The following TBC1D19 variants were observed in gnomAD, a reference collection of about 807,000 sequenced individuals.
TBC1D19 encodes TBC1 domain family, member 19.
A neutral mutation model predicts 89.0 loss-of-function variants in TBC1D19; 60 were observed. The observed-to-expected ratio is 0.67, with a 90% CI of 0.55 to 0.84. TBC1D19 has a LOEUF of 0.84. TBC1D19 is among the 40% of genes least tolerant of loss of function. The pLI, the probability that TBC1D19 is intolerant of heterozygous loss-of-function variation, is 0.00. For missense variants in TBC1D19, 500 were observed against 610.8 expected (o/e 0.82, Z 1.91); for synonymous variants, 189 against 199.7 (o/e 0.95, Z 0.45).
chr4:26,640,398 G>T (rs1328409924), intron 7 of TBC1D19, among the ~76,000 whole-genome samples: 6 of 152,152 alleles, frequency 3.9e-5, no homozygotes, highest in African/African-American at 1.4e-4. Flanking sequence ...AATCAGTTAG[G>T]ATAATTTTGA....
chr4:26,772,270 C>A, the TBC1D19 span, among the ~76,000 whole-genome samples: 281 of 152,190 alleles, frequency 1.8e-3, 1 homozygote, highest in African/African-American at 6.5e-3. Context: ...TCGCAGGTCT[C>A]AAGGGAGGAA....
At chr4:26,803,831 C>T in the TBC1D19 span, among the ~76,000 whole-genome samples, 1 of 142,092 alleles carries the variant, frequency 7.0e-6, no homozygotes, top group Non-Finnish European at 1.5e-5. Flanking sequence ...AGGAAAATGT[C>T]TCTTTTGCAT....
chr4:26,667,959 T>A (rs1333681862), intron 9 of TBC1D19, among the ~76,000 whole-genome samples: 4 of 151,992 alleles, frequency 2.6e-5, no homozygotes, highest in Non-Finnish European at 5.9e-5. Context: ...GTTTTAATTT[T>A]CTTATATAAT....
Position 26,721,357 on chromosome 4 carries a change from A to G in TBC1D19, c.1084+1232A>G, listed in dbSNP as rs1007860962. Among the ~76,000 whole-genome samples the G allele has an allele frequency of 3.3e-5, 5 of 152,022 alleles. No individual in the cohort carries two copies. In the South Asian group the frequency reaches 1.0e-3, roughly 32 times the overall value. ...TGAATTGTCATCTTCCTAGTAACTCAAGGCCATCCTAGATTTCTCTCCACC... is the reference window on the plus strand; with the variant it reads ...TGAATTGTCATCTTCCTAGTAACTCGAGGCCATCCTAGATTTCTCTCCACC... On this transcript the variant is annotated intron_variant, in intron 15 of 20. Coordinates refer to ENST00000264866, the MANE Select transcript of TBC1D19 (RefSeq NM_018317.4).
the TBC1D19 span, among the ~76,000 whole-genome samples, chr4:26,851,361 C>CTATCTATCT: frequency 7.4e-6 from 1 of 135,028 alleles, no homozygotes; most frequent in African/African-American, 2.9e-5. Context: ...ATCTATCTAT[C>CTATCTATCT]ATCTATCCAT....
At chr4:26,823,250 G>A in the TBC1D19 span, among the ~76,000 whole-genome samples, 98 of 152,174 alleles carry the variant, frequency 6.4e-4, no homozygotes, top group African/African-American at 2.0e-3. Context: ...CAAGAACAGC[G>A]GGAAAGACCT....
the TBC1D19 span, among the ~76,000 whole-genome samples, chr4:26,804,609 C>T: frequency 1.3e-5 from 2 of 152,134 alleles, no homozygotes; most frequent in East Asian, 1.9e-4. Context: ...GTCCTCACGC[C>T]GCAGGCCCAG....
chr4:26,669,532 A>G (rs192948556), intron 9 of TBC1D19, among the ~76,000 whole-genome samples: 6 of 151,928 alleles, frequency 3.9e-5, no homozygotes, highest in Non-Finnish European at 7.4e-5. Flanking sequence ...TTTGGTTCTG[A>G]CTTTTTAGGC....
chr4:26,781,168 T>C, the TBC1D19 span, among the ~76,000 whole-genome samples: 1 of 152,210 alleles, frequency 6.6e-6, no homozygotes, highest in African/African-American at 2.4e-5. Context: ...GGTGCTGGGA[T>C]ACAGAATTCT....
At chr4:26,673,653 C>T (rs1300185536) in intron 10 of TBC1D19, 123 bp from the exon 11 acceptor site, 40 of 686,968 alleles carry the variant, frequency 5.8e-5, no homozygotes, top group East Asian at 2.3e-4. Flanking sequence ...GGTAAAGATA[C>T]GGTGTAATTA....
At chr4:26,851,311 A>ATCTATCTATCTATCTATCTGTCTG in the TBC1D19 span, among the ~76,000 whole-genome samples, 64 of 114,898 alleles carry the variant, frequency 5.6e-4, no homozygotes, top group East Asian at 3.2e-3. Flanking sequence ...TACCCTATCT[A>ATCTATCTATCTATCTATCTGTCTG]TCTATCTATC....
At chr4:26,613,613 A>G (rs1318456493) in intron 2 of TBC1D19, among the ~76,000 whole-genome samples, 2 of 152,220 alleles carry the variant, frequency 1.3e-5, no homozygotes, top group Non-Finnish European at 1.5e-5. Context: ...AATTAGAACT[A>G]TTAGACATTT....
intron 7 of TBC1D19, among the ~76,000 whole-genome samples, chr4:26,656,145 A>G (rs7667400): frequency 0.054 from 8,295 of 152,202 alleles, 811 homozygotes; most frequent in African/African-American, 0.19. Flanking sequence ...ATATGTAAGA[A>G]TAAAATTTGA....
chr4:26,738,435 T>G (rs1295306926), intron 16 of TBC1D19, among the ~76,000 whole-genome samples: 1 of 151,792 alleles, frequency 6.6e-6, no homozygotes, highest in East Asian at 1.9e-4. Context: ...AATAATACCA[T>G]ATATTTGTAC....
upstream of TBC1D19, among the ~76,000 whole-genome samples, chr4:26,582,012 A>T (rs1211299363): frequency 6.6e-6 from 1 of 151,854 alleles, no homozygotes; most frequent in East Asian, 1.9e-4. Context: ...TCCGAATTAG[A>T]GCCAAACTTC....
the TBC1D19 span, among the ~76,000 whole-genome samples, chr4:26,826,733 GA>G: frequency 3.1e-3 from 465 of 152,352 alleles, 7 homozygotes; most frequent in African/African-American, 0.01. Context: ...TGGCGAGCAG[GA>G]AAGACTACTG....
chr4:26,641,825 A>G (rs1170712814), intron 7 of TBC1D19, among the ~76,000 whole-genome samples: 2 of 152,238 alleles, frequency 1.3e-5, no homozygotes, highest in African/African-American at 4.8e-5. Flanking sequence ...AAGAAAGGGT[A>G]TCAGTGATTG....
the TBC1D19 span, among the ~76,000 whole-genome samples, chr4:26,832,436 G>A: frequency 6.6e-6 from 1 of 152,136 alleles, no homozygotes; most frequent in Non-Finnish European, 1.5e-5. Context: ...AAAATATAAT[G>A]CTCCAGAAGT....
chr4:26,829,991 G>T, the TBC1D19 span, among the ~76,000 whole-genome samples: 1 of 152,184 alleles, frequency 6.6e-6, no homozygotes, highest in Non-Finnish European at 1.5e-5. Flanking sequence ...GCCTATAAAA[G>T]AGTCCAGGAG....
Sources: gnomAD v4.1 joint callset for allele counts (sites outside exome capture counted in the v4.1 genomes callset) on GRCh38, gnomAD v4.1.1 for gene constraint, MANE v1.5 for transcripts, NCBI Gene and HGNC (gene_info 2026-07-23, HGNC 2026-07-21) for gene names.